The following BNIP3L variants were observed in gnomAD, a reference collection of about 807,000 sequenced individuals.
BNIP3L encodes BCL2 interacting protein 3 like.
In BNIP3L, 10 loss-of-function variants were observed where a neutral mutation model predicts 25.5. The observed-to-expected ratio is 0.39, with a 90% CI of 0.24 to 0.67. The LOEUF is 0.67. BNIP3L is among the 30% of genes least tolerant of loss of function. The pLI is 0.45. For synonymous variants in BNIP3L, 113 were observed against 101.2 expected (o/e 1.12, Z -0.70); for missense variants, 215 against 270.9 (o/e 0.79, Z 1.45).
At position 26,395,251 on chromosome 8, in the gene BNIP3L, G is replaced by A; in HGVS notation, c.306G>A (p.Gly102=). ...HCDSPSPQED[G]QIMFDVEMHT... ...CTAGCCCTTCGCCACAAGAAGATGG[G>A]CAGATCATGTTTGATGTGGAAATGC... The change falls in exon 3 of 6, where the codon GGG becomes GGA. Residue 102 remains glycine (G), a synonymous_variant. Coordinates refer to ENST00000380629, the MANE Select transcript of BNIP3L (RefSeq NM_004331.3). 1 of 1,614,076 alleles carries A rather than the reference G, an allele frequency of 6.2e-7. No individual in the cohort carries two copies. Among genetic ancestry groups the A allele is most frequent in the Non-Finnish European group, 8.5e-7 (1 of 1,179,990 alleles).
intron 1 of BNIP3L, among the ~76,000 whole-genome samples, chr8:26,384,634 G>A (rs1041289625): frequency 6.6e-6 from 1 of 151,964 alleles, no homozygotes; most frequent in Non-Finnish European, 1.5e-5. Flanking sequence ...TAGAGAAACA[G>A]GTCTAGAGTA....
In BNIP3L at chr8:26,412,047, T is replaced by C. The variant is rs2117502897; in HGVS notation, c.*1635T>C. Reference sequence around the variant, plus strand: ...AAATTTTTATCTTTTTTCAAGAATATAGCTGGCTATCTTTAAGAAAGATGA... The same window carrying C: ...AAATTTTTATCTTTTTTCAAGAATACAGCTGGCTATCTTTAAGAAAGATGA... On this transcript the variant is annotated 3_prime_UTR_variant, in exon 6 of 6. Coordinates refer to ENST00000380629, the MANE Select transcript of BNIP3L (RefSeq NM_004331.3). The C allele has an allele frequency of 6.6e-6, 1 of 152,646 alleles. No homozygotes were observed. Among genetic ancestry groups the C allele is most frequent in the South Asian group, 2.1e-4 (1 of 4,826 alleles). 9.5% of individuals were successfully genotyped at this position (152,646 alleles called of 1,614,324 possible). A position where few individuals can be genotyped will look rare whatever the true frequency, so the allele number is the denominator to read the frequency against.
At chr8:26,401,355 G>A (rs1806367617) in intron 3 of BNIP3L, among the ~76,000 whole-genome samples, 1 of 147,930 alleles carries the variant, frequency 6.8e-6, no homozygotes, top group African/African-American at 2.5e-5. Context: ...TCATAGGTGG[G>A]AATTGAACAA....
chr8:26,405,813 C>A (rs1451127232), intron 3 of BNIP3L, among the ~76,000 whole-genome samples: 1 of 152,098 alleles, frequency 6.6e-6, no homozygotes, highest in Non-Finnish European at 1.5e-5. Context: ...GAGGCTGAGG[C>A]GTGTAGATCA....
At position 26,395,930 on chromosome 8, in the gene BNIP3L, G is replaced by A. The variant is rs1209865683; in HGVS notation, c.357+628G>A. 20 of 163,904 alleles carry A rather than the reference G, an allele frequency of 1.2e-4. 1 individual carries two copies. The highest frequency in any genetic ancestry group is 2.3e-4 in the Non-Finnish European group (17 of 74,642). 10.2% of individuals were successfully genotyped at this position (163,904 alleles called of 1,614,324 possible). ...GCTTTTCAGACCGGCTTAAAAAACGGCGCACCACGAGACTATATCCCACAC... is the reference window on the plus strand; with the variant it reads ...GCTTTTCAGACCGGCTTAAAAAACGACGCACCACGAGACTATATCCCACAC... On this transcript the variant is annotated intron_variant, in intron 3 of 5. Transcript: ENST00000380629.
At chr8:26,386,584 AC>A (rs1020535761) in intron 1 of BNIP3L, among the ~76,000 whole-genome samples, 6 of 151,820 alleles carry the variant, frequency 4.0e-5, no homozygotes, top group Middle Eastern at 3.2e-3. Flanking sequence ...GCAGGTGTGC[AC>A]CCCCACATCC....
chr8:26,395,361 G>C (rs1179474493), intron 3 of BNIP3L, 59 bp downstream of exon 3: 1 of 1,546,234 alleles, frequency 6.5e-7, no homozygotes, highest in African/African-American at 1.4e-5. Context: ...AATTCTCTAA[G>C]TATATTTTGC....
intron 3 of BNIP3L, 101 bp from the exon 4 acceptor site, chr8:26,407,899 C>A: frequency 9.8e-7 from 1 of 1,023,300 alleles, no homozygotes. Context: ...ATTTCTGAGA[C>A]ACAACCTTAT....
At chr8:26,400,176 T>C (rs200644633) in intron 3 of BNIP3L, among the ~76,000 whole-genome samples, 29,477 of 151,556 alleles carry the variant, frequency 0.19, 3,101 homozygotes, top group East Asian at 0.41. Flanking sequence ...ACCACAAGGC[T>C]ACAGTAACCA....
chr8:26,383,097 C>T lies in BNIP3L; in HGVS notation c.-34C>T, dbSNP rs771026798. 3 of 1,553,810 alleles carry T rather than the reference C, an allele frequency of 1.9e-6. No individual in the cohort carries two copies. The highest frequency in any genetic ancestry group is 2.6e-6 in the Non-Finnish European group (3 of 1,143,054). The stretch of plus-strand genomic sequence containing the variant: ...TGCTGCCTGAGTGCCGGAGACGGTC[C>T]TGCTGCTGCCGCAGTCCTGCCAGCT... On this transcript the variant is annotated 5_prime_UTR_variant, in exon 1 of 6. Transcript: ENST00000380629.
In BNIP3L at chr8:26,408,013, T is replaced by C. The variant is rs757124295; in HGVS notation, c.371T>C (p.Val124Ala). 1.9e-6 allele frequency: 3 copies of C among 1,614,100 alleles called. No homozygotes were observed. Among genetic ancestry groups the C allele is most frequent in the Non-Finnish European group, 2.5e-6 (3 of 1,179,976 alleles). The change falls in exon 4 of 6, where the codon GTT (valine) becomes GCT (alanine). Residue 124 changes from valine (V) to alanine (A), a missense_variant. Physicochemically the swap from Val to Ala is moderately conservative, Grantham distance 64. Transcript: ENST00000380629. ...RDHSSQSEEE[V>A]VEGEKEVEAL... is the part of the protein sequence containing the mutation. ...TCTTCTTTACAGTCAGAAGAAGAAG[T>C]TGTAGAAGGAGAGAAGGAAGTCGAG...
rs547836281 is a variant in BNIP3L at position 26,385,286 on chromosome 8, TAAC to T, written c.100+2068_100+2070del. On this transcript the variant is annotated intron_variant, in intron 1 of 5. Transcript: ENST00000380629. ...GGATTTTCATCTTCCTTTGACCCTT[TAAC>T]AACAACAACAAAAAGGGCTGAGCCA... is the stretch of plus-strand genomic sequence containing the variant. Among the ~76,000 whole-genome samples, 33 of 151,394 alleles carry T rather than the reference TAAC, an allele frequency of 2.2e-4. No homozygotes were observed. The East Asian group carries it at 5.4e-3, about 25-fold the overall frequency.
chr8:26,394,033 C>T (rs1029653609), intron 2 of BNIP3L, among the ~76,000 whole-genome samples: 1 of 152,098 alleles, frequency 6.6e-6, no homozygotes, highest in Non-Finnish European at 1.5e-5. Context: ...TAGTTAATAT[C>T]TATTCTTTTC....
chr8:26,390,952 T>A (rs1806093468), intron 1 of BNIP3L, among the ~76,000 whole-genome samples: 1 of 152,062 alleles, frequency 6.6e-6, no homozygotes. Context: ...GAGTTTTCAG[T>A]AGAGTGTTAT....
intron 3 of BNIP3L, among the ~76,000 whole-genome samples, chr8:26,404,720 C>T (rs567693826): frequency 7.2e-5 from 11 of 152,150 alleles, no homozygotes; most frequent in South Asian, 6.2e-4. Context: ...GCTGGCCAGG[C>T]TGGTCTCAAA....
Position 26,410,395 on chromosome 8 carries a change from T to C in BNIP3L, c.643T>C (p.Ser215Pro). ...IYIGKRLSTP[S>P]ASTY ...TATTGGAAAGCGACTGAGCACACCC[T>C]CTGCCAGCACCTACTGAGGGAAAGG... The change falls in exon 6 of 6, where the codon TCT becomes CCT. Residue 215 changes from serine (S) to proline (P), a missense_variant. By Grantham distance (74) the Ser-to-Pro change is moderately conservative. Transcript: ENST00000380629. 1.2e-6 allele frequency: 2 copies of C among 1,614,134 alleles called. No homozygotes were observed. Among genetic ancestry groups the C allele is most frequent in the Non-Finnish European group, 1.7e-6 (2 of 1,179,992 alleles).
rs760700038 is a variant in BNIP3L at position 26,383,263 on chromosome 8, T to C, written c.100+33T>C. ...CGGGGCCGAGGCTCTGTGAAGGGGA[T>C]GGGGGAGGAGGAGCAGCCCCGGCCG... On this transcript the variant is annotated intron_variant, in intron 1 of 5. Coordinates refer to ENST00000380629, the MANE Select transcript of BNIP3L (RefSeq NM_004331.3). 1.9e-6 allele frequency: 3 copies of C among 1,583,684 alleles called. No individual in the cohort carries two copies. In the South Asian group the frequency reaches 3.4e-5, roughly 18 times the overall value.
intron 3 of BNIP3L, among the ~76,000 whole-genome samples, chr8:26,407,038 G>A (rs1307206143): frequency 2.0e-5 from 3 of 150,480 alleles, no homozygotes; most frequent in African/African-American, 7.4e-5. Context: ...TATCACCCAG[G>A]CTGGAGTGTA....
chr8:26,402,566 A>G (rs1585438169), intron 3 of BNIP3L, among the ~76,000 whole-genome samples: 2 of 152,344 alleles, frequency 1.3e-5, no homozygotes, highest in East Asian at 3.9e-4. Flanking sequence ...ATGCAGCCCC[A>G]GGTTCCCCCA....
Sources: allele counts gnomAD v4.1 joint callset (sites outside exome capture counted in the v4.1 genomes callset), GRCh38; gene constraint gnomAD v4.1.1; transcripts MANE v1.5; gene names NCBI Gene and HGNC (gene_info 2026-07-23, HGNC 2026-07-21).